The following C8orf34 variants were observed in gnomAD, a reference collection of about 807,000 sequenced individuals.
The protein encoded by C8orf34 is chromosome 8 open reading frame 34.
A neutral mutation model predicts 68.3 loss-of-function variants in C8orf34; 65 were observed. That is an observed-to-expected ratio of 0.95 (90% CI 0.78 to 1.17). C8orf34 has a LOEUF of 1.17. Ranked by LOEUF, C8orf34 falls within the 50% of genes most tolerant of loss-of-function variation. C8orf34 has a pLI of 0.00. For synonymous variants in C8orf34, 244 were observed against 241.2 expected (o/e 1.01, Z -0.11); for missense variants, 664 against 655.4 (o/e 1.01, Z -0.14).
chr8:68,446,039 T>C lies in C8orf34; in HGVS notation c.476-290T>C, dbSNP rs112650774. ...ACTCCTGACCTCAGGTGATCCACCT[T>C]GGCCTCCCAAAGTGCTGGGATTACA... On this transcript the variant is annotated intron_variant, in intron 2 of 13. Transcript: ENST00000518698. Among the ~76,000 whole-genome samples, 326 of 152,192 alleles carry C rather than the reference T, an allele frequency of 2.1e-3. 1 individual carries two copies. The highest frequency in any genetic ancestry group is 7.1e-3 in the African/African-American group (293 of 41,528).
At chr8:68,630,346 A>G (rs1488446782) in intron 7 of C8orf34, among the ~76,000 whole-genome samples, 1 of 152,104 alleles carries the variant, frequency 6.6e-6, no homozygotes, top group African/African-American at 2.4e-5. Context: ...GATATTTTGC[A>G]TTATTTTATT....
In C8orf34 at chr8:68,692,832, C is replaced by T. The variant is rs146998360; in HGVS notation, c.1242-16162C>T. Among the ~76,000 whole-genome samples, 386 of 152,122 alleles carry T rather than the reference C, an allele frequency of 2.5e-3. 4 individuals are homozygous for T. The highest frequency in any genetic ancestry group is 8.6e-3 in the African/African-American group (356 of 41,530). ...CTGCTGCTTAACTGCCTTCAGTGTA[C>T]AATCTTATATTTTGGGTGGCATATT... On this transcript the variant is annotated intron_variant, in intron 8 of 13. Coordinates refer to ENST00000518698, the MANE Select transcript of C8orf34 (RefSeq NM_052958.4).
At chr8:68,357,247 C>T (rs948058489) in intron 1 of C8orf34, among the ~76,000 whole-genome samples, 7 of 152,060 alleles carry the variant, frequency 4.6e-5, no homozygotes, top group Admixed American at 1.3e-4. Context: ...TCTCTAGTAT[C>T]TTTGCTCTTA....
At chr8:68,500,771 A>G (rs748614261) in intron 5 of C8orf34, among the ~76,000 whole-genome samples, 16 of 152,170 alleles carry the variant, frequency 1.1e-4, no homozygotes, top group Non-Finnish European at 1.9e-4. Context: ...AACCATTAAC[A>G]TTCGGGCAAA....
intron 10 of C8orf34, among the ~76,000 whole-genome samples, chr8:68,755,852 G>C (rs374226003): frequency 6.6e-6 from 1 of 151,872 alleles, no homozygotes; most frequent in African/African-American, 2.4e-5. Flanking sequence ...ACGAGGTCAG[G>C]AGGTCGAGAC....
At chr8:68,604,759 A>G (rs6472410) in intron 7 of C8orf34, among the ~76,000 whole-genome samples, 40,793 of 152,062 alleles carry the variant, frequency 0.27, 7,641 homozygotes, top group African/African-American at 0.54. Context: ...AAAACTAGAA[A>G]ATAACATAGT....
At chr8:68,686,153 CCAA>C (rs917253123) in intron 8 of C8orf34, among the ~76,000 whole-genome samples, 3 of 151,782 alleles carry the variant, frequency 2.0e-5, no homozygotes, top group African/African-American at 7.3e-5. Context: ...ACCACCACCA[CCAA>C]CAACAGAAAA....
intron 8 of C8orf34, among the ~76,000 whole-genome samples, chr8:68,702,335 G>T (rs906106370): frequency 6.6e-6 from 1 of 152,020 alleles, no homozygotes; most frequent in Non-Finnish European, 1.5e-5. Flanking sequence ...TTTTAGTAGT[G>T]CATTTACCCT....
At chr8:68,799,804 T>C (rs745652707) in intron 12 of C8orf34, among the ~76,000 whole-genome samples, 2 of 152,178 alleles carry the variant, frequency 1.3e-5, no homozygotes, top group Admixed American at 6.5e-5. Context: ...GAAGGAAATA[T>C]CACAGAGTTG....
At chr8:68,477,900 G>T (rs368858717) in intron 4 of C8orf34, among the ~76,000 whole-genome samples, 5 of 152,116 alleles carry the variant, frequency 3.3e-5, no homozygotes, top group Non-Finnish European at 7.4e-5. Context: ...CGGCTGGGAC[G>T]CAGGATGCCA....
chr8:68,466,161 G>T (rs886141719), intron 3 of C8orf34, among the ~76,000 whole-genome samples: 1 of 151,850 alleles, frequency 6.6e-6, no homozygotes, highest in African/African-American at 2.4e-5. Context: ...GTTATATGTG[G>T]GAGCCAATAA....
intron 1 of C8orf34, among the ~76,000 whole-genome samples, chr8:68,407,443 T>C (rs954067034): frequency 3.9e-5 from 6 of 152,162 alleles, no homozygotes; most frequent in Non-Finnish European, 7.3e-5. Flanking sequence ...CCAGTTTTAC[T>C]GATGAGAAAT....
At chr8:68,805,275 C>A (rs1824448845) in intron 12 of C8orf34, among the ~76,000 whole-genome samples, 1 of 152,178 alleles carries the variant, frequency 6.6e-6, no homozygotes, top group African/African-American at 2.4e-5. Flanking sequence ...TGTTTAGAAG[C>A]ACCAAGTTCT....
intron 1 of C8orf34, among the ~76,000 whole-genome samples, chr8:68,437,707 G>C (rs926316854): frequency 6.6e-6 from 1 of 151,970 alleles, no homozygotes; most frequent in Non-Finnish European, 1.5e-5. Flanking sequence ...CTGATTGTTT[G>C]CTTACTTGTT....
chr8:68,562,045 C>T (rs1478070803), intron 7 of C8orf34, among the ~76,000 whole-genome samples: 1 of 152,116 alleles, frequency 6.6e-6, no homozygotes, highest in Non-Finnish European at 1.5e-5. Flanking sequence ...ATGGTAGATA[C>T]ATAACCCAGT....
chr8:68,521,818 C>A lies in C8orf34; in HGVS notation c.785C>A (p.Ser262Tyr). The A allele has an allele frequency of 6.2e-7, 1 of 1,613,320 alleles. No homozygotes were observed. ...ELDKETVTFN[S>Y]SLLRPRVIGE... ...CTTCAGGAAACAGTGACATTTAATT[C>A]TTCTCTTCTGAGGCCCCGTGTGATT... Residue 262 changes from serine (S) to tyrosine (Y), a missense_variant, in exon 6 of 14, where the codon TCT becomes TAT. Transcript: ENST00000518698.
chr8:68,628,158 C>G (rs1316314906), intron 7 of C8orf34, among the ~76,000 whole-genome samples: 1 of 152,066 alleles, frequency 6.6e-6, no homozygotes, highest in Non-Finnish European at 1.5e-5. Context: ...TTTCCAAATG[C>G]AATTCTAACT....
intron 8 of C8orf34, among the ~76,000 whole-genome samples, chr8:68,689,405 G>T (rs1820621727): frequency 6.6e-6 from 1 of 151,958 alleles, no homozygotes; most frequent in Middle Eastern, 3.2e-3. Flanking sequence ...AAAAGCAATT[G>T]AAATAAAAAA....
intron 1 of C8orf34, among the ~76,000 whole-genome samples, chr8:68,392,046 G>C (rs560684011): frequency 6.6e-6 from 1 of 152,222 alleles, no homozygotes; most frequent in South Asian, 2.1e-4. Context: ...TTGGTAAAGG[G>C]TAGCTGACTT....
Sources: gnomAD v4.1 joint callset for allele counts (sites outside exome capture counted in the v4.1 genomes callset) on GRCh38, gnomAD v4.1.1 for gene constraint, MANE v1.5 for transcripts, NCBI Gene and HGNC (gene_info 2026-07-23, HGNC 2026-07-21) for gene names.